The following GAB1 variants were observed in gnomAD, a reference collection of about 807,000 sequenced individuals.
GAB1 encodes GRB2 associated binding protein 1, also known as GRB2-associated-binding protein 1.
In GAB1, 19 loss-of-function variants were observed where a neutral mutation model predicts 66.5. The observed-to-expected ratio is 0.29, with a 90% CI of 0.20 to 0.42. The LOEUF is 0.42. GAB1 is among the 10% of genes least tolerant of loss of function. The probability of loss-of-function intolerance (pLI) is 1.00; values close to 1 mark genes in which losing one functional copy is unlikely to be tolerated. For missense variants in GAB1, 732 were observed against 858.5 expected (o/e 0.85, Z 1.84); for synonymous variants, 294 against 301.4 (o/e 0.98, Z 0.25).
At chr4:143,339,637 C>T (rs1560707858) in intron 1 of GAB1, among the ~76,000 whole-genome samples, 1 of 152,134 alleles carries the variant, frequency 6.6e-6, no homozygotes, top group East Asian at 1.9e-4. Flanking sequence ...AATGTAAGAC[C>T]TAGTCTTTGC....
At chr4:143,461,667 G>A (rs1208510468) in intron 8 of GAB1, among the ~76,000 whole-genome samples, 1 of 152,180 alleles carries the variant, frequency 6.6e-6, no homozygotes, top group African/African-American at 2.4e-5. Flanking sequence ...AAAATCCCAT[G>A]CATATGGGAG....
intron 1 of GAB1, chr4:143,350,075 C>G: frequency 6.8e-7 from 1 of 1,478,792 alleles, no homozygotes; most frequent in Middle Eastern, 2.3e-4. Flanking sequence ...CCAGGGCCAC[C>G]AGGGCCTCCG....
intron 2 of GAB1, chr4:143,425,604 A>C: frequency 2.6e-6 from 2 of 762,462 alleles, no homozygotes; most frequent in Non-Finnish European, 4.8e-6. Context: ...CGTGCGTGGC[A>C]CCATTTCCCG....
At chr4:143,404,269 C>T (rs1731927282) in intron 1 of GAB1, among the ~76,000 whole-genome samples, 1 of 152,084 alleles carries the variant, frequency 6.6e-6, no homozygotes, top group Admixed American at 6.6e-5. Context: ...TTGTCATTGG[C>T]GTATTTTATT....
At chr4:143,360,690 A>AT (rs1729628847) in intron 1 of GAB1, among the ~76,000 whole-genome samples, 1 of 152,086 alleles carries the variant, frequency 6.6e-6, no homozygotes, top group African/African-American at 2.4e-5. Context: ...GTTAATAAGA[A>AT]TTTTTTTCAT....
intron 2 of GAB1, among the ~76,000 whole-genome samples, chr4:143,429,533 C>T (rs746330602): frequency 1.8e-4 from 27 of 152,196 alleles, no homozygotes; most frequent in Admixed American, 2.6e-4. Flanking sequence ...GTAAACGCCT[C>T]TCTTCCTGAG....
chr4:143,387,531 T>G (rs1578637411), intron 1 of GAB1, among the ~76,000 whole-genome samples: 1 of 152,246 alleles, frequency 6.6e-6, no homozygotes, highest in African/African-American at 2.4e-5. Context: ...GGCTGCTTAC[T>G]GACGTGAGCT....
intron 1 of GAB1, chr4:143,395,768 T>C (rs1271248998): frequency 5.1e-6 from 2 of 390,646 alleles, no homozygotes; most frequent in African/African-American, 4.2e-5. Context: ...TTAGCCATTA[T>C]GCTGTGCCCC....
At chr4:143,395,369 A>T (rs1395772207) in intron 1 of GAB1, 1 of 154,384 alleles carries the variant, frequency 6.5e-6, no homozygotes, top group Non-Finnish European at 1.4e-5. Context: ...GGTTAAATGT[A>T]ATCTTTATTT....
Position 143,337,256 on chromosome 4 carries a change from G to A in GAB1, c.68G>A (p.Arg23His). The A allele has an allele frequency of 6.3e-7, 1 of 1,577,030 alleles. No individual in the cohort carries two copies. Among genetic ancestry groups the A allele is most frequent in the East Asian group, 2.3e-5 (1 of 43,796 alleles). The change falls in exon 1 of 10, where the codon CGT becomes CAT. Residue 23 changes from arginine to histidine, a missense_variant. By Grantham distance (29) the Arg-to-His change is conservative. Around this residue, in one of 4 missense-constraint regions of GAB1, gnomAD observed 35 missense variants for 30.8 expected, o/e 1.13. Coordinates refer to ENST00000262994, the MANE Select transcript of GAB1 (RefSeq NM_002039.4). ...TCCCCCCCGGAGAAAAAGTTGAAGC[G>A]TTATGTAAGTAGAGCTGCGGGCACC... ...RKSPPEKKLK[R>H]YAWKRRWFVL...
chr4:143,388,112 G>A (rs943454843), intron 1 of GAB1, among the ~76,000 whole-genome samples: 15 of 152,062 alleles, frequency 9.9e-5, no homozygotes, highest in African/African-American at 3.1e-4. Context: ...AAGGATAAGC[G>A]CTCCCTTTTT....
intron 6 of GAB1, among the ~76,000 whole-genome samples, chr4:143,458,786 CT>C (rs893970620): frequency 4.0e-5 from 6 of 151,742 alleles, no homozygotes; most frequent in African/African-American, 1.5e-4. Flanking sequence ...TAATTATGGC[CT>C]TTTTTCAGAG....
Position 143,440,319 on chromosome 4 carries a change from C to A in GAB1, c.1522C>A (p.Pro508Thr). ...CAGCCCAAAAACCCCTCCCAGAAGG[C>A]CAGTTCCTGTTGCAGACTGTGAACC... ...RSSPKTPPRR[P>T]VPVADCEPPP... Residue 508 changes from proline (P) to threonine (T), a missense_variant, in exon 6 of 10, where the codon CCA (proline) becomes ACA (threonine). By Grantham distance (38) the Pro-to-Thr change is conservative. Around this residue, in one of 4 missense-constraint regions of GAB1, gnomAD observed 204 missense variants for 276.8 expected, o/e 0.74. Transcript: ENST00000262994. The A allele has an allele frequency of 6.2e-7, 1 of 1,614,122 alleles. No homozygotes were observed. The highest frequency in any genetic ancestry group is 8.5e-7 in the Non-Finnish European group (1 of 1,180,000).
intron 6 of GAB1, among the ~76,000 whole-genome samples, chr4:143,456,715 A>G (rs1386685741): frequency 6.6e-6 from 1 of 152,246 alleles, no homozygotes; most frequent in Admixed American, 6.5e-5. Flanking sequence ...GTAAGGTGCT[A>G]GATATCAGCA....
chr4:143,368,555 TA>T (rs1224139820), intron 1 of GAB1, among the ~76,000 whole-genome samples: 4 of 152,242 alleles, frequency 2.6e-5, no homozygotes, highest in African/African-American at 7.2e-5. Flanking sequence ...TAAAATGTTT[TA>T]ATTGTAATAT....
chr4:143,445,715 G>T (rs950560187), intron 6 of GAB1, among the ~76,000 whole-genome samples: 1 of 152,006 alleles, frequency 6.6e-6, no homozygotes, highest in African/African-American at 2.4e-5. Context: ...GCTTTTTCCA[G>T]GTCTATTGAG....
chr4:143,388,287 G>T (rs1731011153), intron 1 of GAB1, among the ~76,000 whole-genome samples: 1 of 152,112 alleles, frequency 6.6e-6, no homozygotes, highest in South Asian at 2.1e-4. Flanking sequence ...TCTAGTAGGT[G>T]CCTAGTGGCT....
rs187668936 is a variant in GAB1, at chr4:143,397,291, A to G, written c.73-18186A>G. 2.6e-5 allele frequency among the ~76,000 whole-genome samples: 4 copies of G among 152,330 alleles called. No homozygotes were observed. The East Asian group carries it at 7.7e-4, about 29-fold the overall frequency. On this transcript the variant is annotated intron_variant, in intron 1 of 9. Transcript: ENST00000262994. ...AATGCTATAAGTTTAATTTCAGAGC[A>G]CACAAAAAGGTTAATCCTGCTTGTA... is the stretch of plus-strand genomic sequence containing the variant.
chr4:143,417,397 T>TTTA (rs993750837), intron 2 of GAB1: 12 of 420,338 alleles, frequency 2.9e-5, no homozygotes, highest in East Asian at 1.6e-4. Context: ...CGGGTACTTT[T>TTTA]TTATTATTAT....
Sources: gnomAD v4.1 joint callset for allele counts (sites outside exome capture counted in the v4.1 genomes callset) on GRCh38, gnomAD v4.1.1 for gene constraint, gnomAD v4.1.1 regional missense constraint, MANE v1.5 for transcripts, NCBI Gene and HGNC (gene_info 2026-07-23, HGNC 2026-07-21) for gene names.